STXBP5: variants seen among roughly 807,000 people sequenced by gnomAD.
STXBP5 encodes syntaxin binding protein 5, also known as syntaxin-binding protein 5.
STXBP5 carries 50 observed loss-of-function variants against 152.4 expected under a neutral mutation model. The ratio of observed to expected loss-of-function variants is 0.33; its 90% CI spans 0.26 to 0.42. The LOEUF is 0.42. Among genes scored for constraint, STXBP5 ranks in the 10% least tolerant of loss-of-function variants. STXBP5 has a pLI of 1.00. For missense variants in STXBP5, 1,167 were observed against 1,388.6 expected (o/e 0.84, Z 2.54); for synonymous variants, 492 against 494.7 (o/e 0.99, Z 0.07).
At chr6:147,254,767 A>G (rs1054669218) in intron 4 of STXBP5, among the ~76,000 whole-genome samples, 1 of 152,256 alleles carries the variant, frequency 6.6e-6, no homozygotes, top group Admixed American at 6.5e-5. Context: ...CCACAATGAG[A>G]TATCATCTCA....
At chr6:147,369,278 A>G (rs1785435691) in intron 25 of STXBP5, among the ~76,000 whole-genome samples, 1 of 152,044 alleles carries the variant, frequency 6.6e-6, no homozygotes, top group Admixed American at 6.6e-5. Context: ...TGCAAAAAAA[A>G]TCAGCTTTGA....
chr6:147,291,244 T>A, intron 9 of STXBP5, 72 bp downstream of exon 9: 1 of 1,309,796 alleles, frequency 7.6e-7, no homozygotes, highest in Non-Finnish European at 1.1e-6. Context: ...TATTTTATCA[T>A]TAATTTTGAA....
At chr6:147,356,038 C>A (rs1418860279) in intron 22 of STXBP5, among the ~76,000 whole-genome samples, 1 of 152,080 alleles carries the variant, frequency 6.6e-6, no homozygotes, top group Non-Finnish European at 1.5e-5. Flanking sequence ...GACTGTTATT[C>A]AGGCAGTTCT....
At chr6:147,351,986 G>A (rs1379700876) in intron 21 of STXBP5, 5 of 704,458 alleles carry the variant, frequency 7.1e-6, no homozygotes, top group Non-Finnish European at 8.7e-6. Flanking sequence ...ATTTCACATA[G>A]GAAGCACTTT....
chr6:147,322,833 A>G (rs1783005808), intron 16 of STXBP5, among the ~76,000 whole-genome samples: 1 of 152,216 alleles, frequency 6.6e-6, no homozygotes, highest in African/African-American at 2.4e-5. Flanking sequence ...GTTTTCTGGT[A>G]CAAGTATAGC....
In STXBP5 at chr6:147,204,584, T is replaced by A; in HGVS notation, c.52T>A (p.Ser18Thr). ...KVLDGLTAGSSSASQQQQQQH... is the reference protein window; with the variant it reads ...KVLDGLTAGSTSASQQQQQQH... Reference sequence around the variant, plus strand: ...GCTGGACGGCCTGACCGCCGGCTCGTCCTCGGCGTCGCAGCAGCAACAGCA... The same window carrying A: ...GCTGGACGGCCTGACCGCCGGCTCGACCTCGGCGTCGCAGCAGCAACAGCA... Residue 18 changes from serine to threonine, a missense_variant, in exon 1 of 28, where the codon TCC (serine) becomes ACC (threonine). Around this residue, in one of 3 missense-constraint regions of STXBP5, gnomAD observed 310 missense variants for 346.1 expected, o/e 0.90. Transcript: ENST00000321680. This position sits in a 1 kb window ranked among gnomAD's most constrained non-coding sequence, Gnocchi z 4.3. 6.2e-7 allele frequency: 1 copy of A among 1,609,136 alleles called. No homozygotes were observed. The highest frequency in any genetic ancestry group is 8.5e-7 in the Non-Finnish European group (1 of 1,178,042).
At chr6:147,359,529 A>G (rs1435579181) in intron 23 of STXBP5, among the ~76,000 whole-genome samples, 2 of 151,900 alleles carry the variant, frequency 1.3e-5, no homozygotes, top group South Asian at 2.1e-4. Context: ...TTACATATGT[A>G]TACATATGAC....
At chr6:147,234,915 C>CA (rs1778192388) in intron 2 of STXBP5, among the ~76,000 whole-genome samples, 1 of 151,938 alleles carries the variant, frequency 6.6e-6, no homozygotes, top group Non-Finnish European at 1.5e-5. Context: ...TAGATCCAAC[C>CA]ACCTTTTGTC....
At chr6:147,213,245 T>C (rs1163982782) in intron 2 of STXBP5, among the ~76,000 whole-genome samples, 1 of 151,876 alleles carries the variant, frequency 6.6e-6, no homozygotes, top group Non-Finnish European at 1.5e-5. Context: ...GAAGAGGCAA[T>C]TATTTACAAG....
At chr6:147,314,533 A>G (rs374134933) in intron 13 of STXBP5, 63 bp from the exon 14 acceptor site, 45 of 1,529,946 alleles carry the variant, frequency 2.9e-5, no homozygotes, top group Non-Finnish European at 4.0e-5. Flanking sequence ...TAATAGCAGT[A>G]CCCATTTAAA....
chr6:147,304,950 C>T (rs1782013873), intron 9 of STXBP5, among the ~76,000 whole-genome samples: 1 of 152,130 alleles, frequency 6.6e-6, no homozygotes, highest in South Asian at 2.1e-4. Flanking sequence ...TTTCAGATTA[C>T]ATCCAGAGTG....
At chr6:147,226,115 G>A (rs1418153725) in intron 2 of STXBP5, among the ~76,000 whole-genome samples, 1 of 152,014 alleles carries the variant, frequency 6.6e-6, no homozygotes, top group Non-Finnish European at 1.5e-5. Flanking sequence ...AGGAAACATA[G>A]CGAGACCTTG....
At chr6:147,211,515 GA>G (rs954155215) in intron 2 of STXBP5, among the ~76,000 whole-genome samples, 48 of 151,550 alleles carry the variant, frequency 3.2e-4, no homozygotes, top group African/African-American at 9.4e-4. Context: ...TTATACCATG[GA>G]AAAAAAATGG....
intron 26 of STXBP5, among the ~76,000 whole-genome samples, chr6:147,379,042 T>A (rs1424253357): frequency 6.6e-6 from 1 of 151,910 alleles, no homozygotes; most frequent in Non-Finnish European, 1.5e-5. Context: ...CCATTGTCAG[T>A]ATTCAAGGCC....
chr6:147,322,073 T>C (rs560737042), intron 16 of STXBP5, among the ~76,000 whole-genome samples: 1 of 152,332 alleles, frequency 6.6e-6, no homozygotes, highest in East Asian at 1.9e-4. Context: ...ACTTCTAAAA[T>C]TATCCCTGGA....
intron 8 of STXBP5, among the ~76,000 whole-genome samples, chr6:147,278,535 C>T (rs189088498): frequency 6.6e-6 from 1 of 152,180 alleles, no homozygotes; most frequent in Admixed American, 6.5e-5. Flanking sequence ...TTTTCCATCT[C>T]AAAGCTGTCA....
chr6:147,353,182 C>A, intron 21 of STXBP5, 141 bp from the exon 22 acceptor site: 1 of 516,628 alleles, frequency 1.9e-6, no homozygotes, highest in Non-Finnish European at 3.4e-6. Context: ...ATTTACTTTC[C>A]ACTCCTAATA....
chr6:147,382,872 A>G lies in STXBP5; in HGVS notation c.3288A>G (p.Gly1096=). Reference sequence around the variant, plus strand: ...AAGGCGTAAAAGGGGCAGCATCTGGAGTTGTTGGTGAATTAGCACGAGCCA... The same window carrying G: ...AAGGCGTAAAAGGGGCAGCATCTGGGGTTGTTGGTGAATTAGCACGAGCCA... ...GIEGVKGAAS[G]VVGELARARL... Residue 1096 remains glycine (G), a synonymous_variant, in exon 27 of 28, where the codon GGA becomes GGG. Transcript: ENST00000321680. 3 of 1,613,452 alleles carry G rather than the reference A, an allele frequency of 1.9e-6. No individual in the cohort carries two copies. The highest frequency in any genetic ancestry group is 1.1e-5 in the South Asian group (1 of 91,070).
intron 2 of STXBP5, among the ~76,000 whole-genome samples, chr6:147,211,627 G>C (rs1025025975): frequency 1.3e-5 from 2 of 152,182 alleles, no homozygotes; most frequent in Non-Finnish European, 1.5e-5. Flanking sequence ...GTCTTACTCT[G>C]TTACCCTGGC....
Sources: allele counts gnomAD v4.1 joint callset (sites outside exome capture counted in the v4.1 genomes callset), GRCh38; gene constraint gnomAD v4.1.1; regional missense constraint gnomAD v4.1.1; non-coding constraint Gnocchi (gnomAD v3.1); transcripts MANE v1.5; gene names NCBI Gene and HGNC (gene_info 2026-07-23, HGNC 2026-07-21).